Variants in AGBL4 observed in about 807,000 individuals in gnomAD.
The protein encoded by AGBL4 is AGBL carboxypeptidase 4.
In AGBL4, 58 loss-of-function variants were observed where a neutral mutation model predicts 66.4. The observed-to-expected ratio is 0.87, with a 90% CI of 0.71 to 1.09. The LOEUF is 1.09. Among genes scored for constraint, AGBL4 ranks in the 50% least tolerant of loss-of-function variants. The pLI is 0.00. For missense variants in AGBL4, 579 were observed against 631.0 expected, an observed-to-expected ratio of 0.92 and a Z score of 0.88; for synonymous variants, 234 against 222.9, an observed-to-expected ratio of 1.05 and a Z score of -0.44.
At chr1:48,757,256 G>A (rs1643983259) in intron 6 of AGBL4, among the ~76,000 whole-genome samples, 1 of 152,126 alleles carries the variant, frequency 6.6e-6, no homozygotes, top group Non-Finnish European at 1.5e-5. Flanking sequence ...TTAAGATTGG[G>A]AAACATTTTT....
chr1:49,466,204 T>C (rs1489245735), intron 3 of AGBL4, among the ~76,000 whole-genome samples: 3 of 151,922 alleles, frequency 2.0e-5, no homozygotes, highest in Admixed American at 2.0e-4. Flanking sequence ...ATTCAGGACT[T>C]CATCCTTTCC....
chr1:49,215,767 T>C (rs1378356642), intron 4 of AGBL4, among the ~76,000 whole-genome samples: 3 of 152,138 alleles, frequency 2.0e-5, no homozygotes, highest in Non-Finnish European at 4.4e-5. Context: ...CCCTTTCTTG[T>C]ATTACTGAAG....
rs184939408 is a variant in AGBL4 at position 49,690,132 on chromosome 1, T to A, written c.282+7181A>T. 1.3e-3 allele frequency among the ~76,000 whole-genome samples: 195 copies of A among 152,320 alleles called. 1 individual carries two copies. Among genetic ancestry groups the A allele is most frequent in the Non-Finnish European group, 2.1e-4 (14 of 68,032 alleles). On this transcript the variant is annotated intron_variant, in intron 3 of 13. Transcript: ENST00000371839. ...TGAAGCCTCAGATGAACATTAATTT[T>A]TTTTTTGCAATAAAGTGTTTCTCAA...
At chr1:49,108,947 T>G (rs1645351687) in intron 4 of AGBL4, among the ~76,000 whole-genome samples, 1 of 152,154 alleles carries the variant, frequency 6.6e-6, no homozygotes, top group Non-Finnish European at 1.5e-5. Flanking sequence ...TTCAGCAAGT[T>G]CCACCCCTTC....
rs530066344 is a variant in AGBL4 at position 48,570,484 on chromosome 1, A to G, written c.1267+16520T>C. Among the ~76,000 whole-genome samples, 5 of 152,338 alleles carry G rather than the reference A, an allele frequency of 3.3e-5. No homozygotes were observed. The South Asian group carries it at 1.0e-3, about 32-fold the overall frequency. ...TGTGGAATCCTGGGGCTTTGGGTTC[A>G]GAGCTTGGCTATGCCTCATACAAGT... On this transcript the variant is annotated intron_variant, in intron 11 of 13. Coordinates refer to ENST00000371839, the MANE Select transcript of AGBL4 (RefSeq NM_032785.4).
chr1:49,873,828 A>ATTT (rs1646900145), intron 1 of AGBL4, among the ~76,000 whole-genome samples: 1 of 152,116 alleles, frequency 6.6e-6, no homozygotes, highest in African/African-American at 2.4e-5. Context: ...ATCTAAATTG[A>ATTT]TTGAGAAAAA....
intron 4 of AGBL4, among the ~76,000 whole-genome samples, chr1:49,202,320 A>T (rs760926629): frequency 5.7e-4 from 87 of 152,298 alleles, no homozygotes; most frequent in Non-Finnish European, 8.7e-4. Flanking sequence ...AATGATCAAA[A>T]CCATCTTGAA....
chr1:49,826,027 TATA>T (rs1419254037), intron 2 of AGBL4, among the ~76,000 whole-genome samples: 2 of 152,164 alleles, frequency 1.3e-5, no homozygotes, highest in African/African-American at 2.4e-5. Flanking sequence ...CGATTTTCCA[TATA>T]ATAACTTTAA....
At chr1:48,708,918 G>C (rs898893959) in intron 6 of AGBL4, among the ~76,000 whole-genome samples, 13 of 152,182 alleles carry the variant, frequency 8.5e-5, no homozygotes, top group African/African-American at 3.1e-4. Context: ...TGCAAAGTCA[G>C]GCAGGACCAG....
intron 3 of AGBL4, among the ~76,000 whole-genome samples, chr1:49,600,297 G>A (rs1644929453): frequency 6.6e-6 from 1 of 152,164 alleles, no homozygotes; most frequent in African/African-American, 2.4e-5. Context: ...GGGTGCTCCT[G>A]TATTGGGTGC....
intron 3 of AGBL4, among the ~76,000 whole-genome samples, chr1:49,513,569 T>C (rs986259420): frequency 5.9e-5 from 9 of 152,012 alleles, no homozygotes. Context: ...GCTCCATTCA[T>C]GTTGCTTCAA....
intron 1 of AGBL4, among the ~76,000 whole-genome samples, chr1:49,944,863 T>C (rs1035136700): frequency 1.3e-5 from 2 of 151,370 alleles, no homozygotes; most frequent in Non-Finnish European, 2.9e-5. Context: ...ATAGCATAAA[T>C]AAAAAACAAT....
At chr1:49,933,316 CT>C (rs1653559023) in intron 1 of AGBL4, among the ~76,000 whole-genome samples, 1 of 152,044 alleles carries the variant, frequency 6.6e-6, no homozygotes, top group African/African-American at 2.4e-5. Context: ...CCCAGCATAA[CT>C]GTCCTTCAAA....
At chr1:49,373,976 A>G (rs1056848493) in intron 3 of AGBL4, among the ~76,000 whole-genome samples, 2 of 152,122 alleles carry the variant, frequency 1.3e-5, no homozygotes, top group Non-Finnish European at 2.9e-5. Flanking sequence ...TTTTATTTAT[A>G]CTATACATAA....
chr1:49,608,119 T>C (rs1229146417), intron 3 of AGBL4, among the ~76,000 whole-genome samples: 1 of 152,000 alleles, frequency 6.6e-6, no homozygotes, highest in Non-Finnish European at 1.5e-5. Flanking sequence ...AAAAGAAATA[T>C]TGATGTAGGT....
intron 2 of AGBL4, among the ~76,000 whole-genome samples, chr1:49,744,512 A>C (rs541723943): frequency 5.5e-4 from 84 of 152,030 alleles, no homozygotes; most frequent in African/African-American, 2.0e-3. Flanking sequence ...AGACCAATAC[A>C]CTAGCAAATC....
intron 6 of AGBL4, among the ~76,000 whole-genome samples, chr1:48,730,519 G>T (rs1647936434): frequency 6.6e-6 from 1 of 152,168 alleles, no homozygotes; most frequent in African/African-American, 2.4e-5. Context: ...GAGAAGGCAG[G>T]AGAGTGGGTG....
At chr1:50,017,491 C>A (rs960762029) in intron 1 of AGBL4, 1 of 151,992 alleles carries the variant, frequency 6.6e-6, no homozygotes, top group African/African-American at 2.4e-5. Context: ...AAAATCCTAG[C>A]CTACTCCTCA....
chr1:49,437,724 T>C (rs561129074), intron 3 of AGBL4, among the ~76,000 whole-genome samples: 1 of 151,200 alleles, frequency 6.6e-6, no homozygotes, highest in African/African-American at 2.5e-5. Context: ...AGCGTTATTT[T>C]TTGCTTACAT....
Sources: allele counts gnomAD v4.1 joint callset (sites outside exome capture counted in the v4.1 genomes callset), GRCh38; gene constraint gnomAD v4.1.1; transcripts MANE v1.5; gene names NCBI Gene and HGNC (gene_info 2026-07-23, HGNC 2026-07-21).